PLEKHA6: variants seen among roughly 807,000 people sequenced by gnomAD.
PLEKHA6 encodes the protein pleckstrin homology domain-containing family A member 6.
PLEKHA6 carries 60 observed loss-of-function variants against 116.7 expected under a neutral mutation model. The ratio of observed to expected loss-of-function variants is 0.51; its 90% confidence interval spans 0.42 to 0.64. PLEKHA6 has a LOEUF of 0.64. PLEKHA6 is among the 30% of genes least tolerant of loss of function. PLEKHA6 has a pLI of 0.00. For missense variants in PLEKHA6, 1,338 were observed against 1,422.7 expected, an observed-to-expected ratio of 0.94 and a Z score of 0.96; for synonymous variants, 489 against 556.1, an observed-to-expected ratio of 0.88 and a Z score of 1.70.
At position 204,261,327 on chromosome 1, in the gene PLEKHA6, A is replaced by C. The variant is rs1268585085; in HGVS notation, c.503T>G (p.Val168Gly). 1 of 1,614,022 alleles carries C rather than the reference A, an allele frequency of 6.2e-7. No individual in the cohort carries two copies. The highest frequency in any genetic ancestry group is 1.1e-5 in the South Asian group (1 of 91,076). Residue 168 changes from valine (V) to glycine (G), a missense_variant, in exon 7 of 23, where the codon GTG becomes GGG. Val to Gly is a moderately radical substitution (Grantham distance 109). Around this residue, in one of 3 missense-constraint regions of PLEKHA6, gnomAD observed 140 missense variants for 197.4 expected, o/e 0.71. Transcript: ENST00000272203. The surrounding 1 kb of genome is among the most constrained non-coding windows in gnomAD (Gnocchi z 4.0). Reference sequence around the variant, plus strand: ...TCACCTGTGCCGCACAGCTTGGGGCACTGACTTCTGGGCTGGAGGGATCTG... The same window carrying C: ...TCACCTGTGCCGCACAGCTTGGGGCCCTGACTTCTGGGCTGGAGGGATCTG... ...RVQIPPAQKS[V>G]PQAVRHSHEK...
At chr1:204,282,227 G>A (rs754836491) in intron 1 of PLEKHA6, among the ~76,000 whole-genome samples, 1 of 152,202 alleles carries the variant, frequency 6.6e-6, no homozygotes, top group Non-Finnish European at 1.5e-5. Context: ...TCAAGCTCAT[G>A]TGTGTGCACG....
chr1:204,327,455 C>T (rs781453360), intron 1 of PLEKHA6, among the ~76,000 whole-genome samples: 16 of 152,240 alleles, frequency 1.1e-4, no homozygotes, highest in African/African-American at 2.9e-4. Context: ...GCCTTGATGC[C>T]GACGGGCCCC....
Position 204,287,306 on chromosome 1 carries a change from G to A in PLEKHA6, c.-94-12497C>T, listed in dbSNP as rs777204100. Among the ~76,000 whole-genome samples, 45 of 150,756 alleles carry A rather than the reference G, an allele frequency of 3.0e-4. 1 individual carries two copies. Among genetic ancestry groups the A allele is most frequent in the Admixed American group, 5.9e-4 (9 of 15,130 alleles). ...AGAGAGATAGCATCAGCTGAGAAAA[G>A]CCAGTGCGTCCACCTCCTCCTCCAA... On this transcript the variant is annotated intron_variant, in intron 1 of 22. Transcript: ENST00000272203.
chr1:204,265,064 G>T, intron 5 of PLEKHA6, 22 bp from the exon 6 acceptor site: 16 of 1,516,908 alleles, frequency 1.1e-5, no homozygotes, highest in Non-Finnish European at 1.4e-5. Flanking sequence ...AGAGGCACAA[G>T]AAGGGTGTGT....
intron 1 of PLEKHA6, among the ~76,000 whole-genome samples, chr1:204,332,435 G>A (rs1023827272): frequency 1.2e-4 from 18 of 152,076 alleles, no homozygotes; most frequent in African/African-American, 4.1e-4. Context: ...GCAGTGGCAC[G>A]ATCCATCTCG....
At chr1:204,245,771 T>G (rs754859533) in intron 13 of PLEKHA6, 45 bp from the exon 14 acceptor site, 2 of 1,379,182 alleles carry the variant, frequency 1.5e-6, no homozygotes, top group South Asian at 2.3e-5. Flanking sequence ...CCATGAGGAG[T>G]GTCCAGCCCT....
At position 204,245,687 on chromosome 1, in the gene PLEKHA6, T is replaced by C. The variant is rs1663558507; in HGVS notation, c.1960A>G (p.Arg654Gly). ...AGCCCCTCCATCACGTCCTGGATCC[T>C]CCAGATCTCCTTTTGGATTTGCCGG... ...LNRQIQKEIW[R>G]IQDVMEGLRK... The change falls in exon 14 of 23, where the codon AGG becomes GGG. Residue 654 changes from arginine to glycine, a missense_variant. By Grantham distance (125) the Arg-to-Gly change is moderately radical (BLOSUM62 -2). Coordinates refer to ENST00000272203, the MANE Select transcript of PLEKHA6 (RefSeq NM_014935.5). The C allele has an allele frequency of 1.2e-6, 2 of 1,613,674 alleles. No homozygotes were observed. The highest frequency in any genetic ancestry group is 2.2e-5 in the East Asian group (1 of 44,876).
chr1:204,340,413 G>A (rs1009133613), intron 1 of PLEKHA6, among the ~76,000 whole-genome samples: 2 of 152,200 alleles, frequency 1.3e-5, no homozygotes, highest in Non-Finnish European at 2.9e-5. Flanking sequence ...CAATCAGCCA[G>A]CTGAAGCACC....
intron 1 of PLEKHA6, among the ~76,000 whole-genome samples, chr1:204,352,391 G>T (rs944699082): frequency 2.7e-5 from 4 of 150,736 alleles, no homozygotes; most frequent in Admixed American, 2.0e-4. Context: ...AAAAAGAAAA[G>T]AAAAAAGAAA....
intron 12 of PLEKHA6, among the ~76,000 whole-genome samples, chr1:204,248,155 CTTTT>C (rs34335278): frequency 1.0e-5 from 1 of 95,240 alleles, no homozygotes; most frequent in African/African-American, 4.5e-5. Context: ...GGGCAGCAGC[CTTTT>C]TTTTTTTTTT....
At chr1:204,332,188 T>C (rs918380920) in intron 1 of PLEKHA6, among the ~76,000 whole-genome samples, 3 of 152,156 alleles carry the variant, frequency 2.0e-5, no homozygotes, top group Non-Finnish European at 4.4e-5. Flanking sequence ...TAACCCAGAA[T>C]TCAGCCAATG....
rs1280293947 is a variant in PLEKHA6, at chr1:204,219,602, G to C, written c.*3186C>G. On this transcript the variant is annotated 3_prime_UTR_variant, in exon 23 of 23. Transcript: ENST00000272203. The stretch of plus-strand genomic sequence containing the variant: ...AGCAGGATGTTCTAGGCTGGCGACA[G>C]GGTGTCAGTAAATGCCCCAGGTGGG... The C allele has an allele frequency of 2.0e-5, 3 of 152,204 alleles. No homozygotes were observed. The allele number at this position is 152,204 out of a possible 1,614,324, so 9.4% of individuals were successfully genotyped here.
chr1:204,234,980 A>AG (rs1558031108), intron 17 of PLEKHA6, among the ~76,000 whole-genome samples: 540 of 33,906 alleles, frequency 0.016, 58 homozygotes, highest in South Asian at 0.036. Flanking sequence ...ATATATATAT[A>AG]TATATATATA....
chr1:204,315,931 C>T (rs1572170081), intron 1 of PLEKHA6, among the ~76,000 whole-genome samples: 2 of 152,110 alleles, frequency 1.3e-5, no homozygotes, highest in African/African-American at 2.4e-5. Flanking sequence ...GGTAAAGGTT[C>T]GTGTTGGGAA....
chr1:204,258,126 G>A (rs187125947), intron 8 of PLEKHA6, among the ~76,000 whole-genome samples: 5 of 152,264 alleles, frequency 3.3e-5, no homozygotes, highest in Admixed American at 6.5e-5. Context: ...AGGAAGAAAC[G>A]TGAAGCCTTA....
rs139719924 is a variant in PLEKHA6, at chr1:204,228,266, C to A, written c.2886-38G>T. The A allele has an allele frequency of 3.2e-4, 494 of 1,554,552 alleles. 1 individual carries two copies. In the African/African-American group the frequency reaches 5.9e-3, roughly 19 times the overall value. ...AGACACACAGAAATGGAGGGAGGGA[C>A]AGGATGGTCCAAGTGGCTTGAGGGG... On this transcript the variant is annotated intron_variant, in intron 20 of 22. Transcript: ENST00000272203. This position sits in a 1 kb window ranked among gnomAD's most constrained non-coding sequence, Gnocchi z 4.0.
intron 1 of PLEKHA6, among the ~76,000 whole-genome samples, chr1:204,322,605 G>A (rs6703590): frequency 0.73 from 111,689 of 152,066 alleles, 41,535 homozygotes; most frequent in Middle Eastern, 0.8. Flanking sequence ...AGCTTCAACC[G>A]CTGTCACTAT....
intron 1 of PLEKHA6, among the ~76,000 whole-genome samples, chr1:204,336,582 G>A (rs1433827006): frequency 6.6e-6 from 1 of 152,132 alleles, no homozygotes; most frequent in Non-Finnish European, 1.5e-5. Context: ...GTGTGTGTGT[G>A]TGTGTGCACG....
chr1:204,267,383 A>T, intron 5 of PLEKHA6, 92 bp downstream of exon 5: 1 of 1,126,984 alleles, frequency 8.9e-7, no homozygotes, highest in Middle Eastern at 2.0e-4. Context: ...GCTGGTGCCC[A>T]TCCAAAGCCA....
Sources: gnomAD v4.1 joint callset for allele counts (sites outside exome capture counted in the v4.1 genomes callset) on GRCh38, gnomAD v4.1.1 for gene constraint, gnomAD v4.1.1 regional missense constraint, Gnocchi (gnomAD v3.1) non-coding constraint, MANE v1.5 for transcripts, NCBI Gene and HGNC (gene_info 2026-07-23, HGNC 2026-07-21) for gene names.